CDH10: variants seen among roughly 807,000 people sequenced by gnomAD.
CDH10 encodes the protein cadherin-10.
Under a neutral mutation model 73.1 loss-of-function variants are expected in CDH10, and 30 were observed. The observed-to-expected ratio is 0.41, with a 90% CI of 0.31 to 0.56. CDH10 has a LOEUF of 0.56. Ranked by LOEUF, CDH10 falls within the 20% of genes least tolerant of loss-of-function variation. The probability of loss-of-function intolerance (pLI) is 0.27; values close to 1 mark genes in which losing one functional copy is unlikely to be tolerated. For synonymous variants in CDH10, 345 were observed against 348.2 expected (o/e 0.99, Z 0.10); for missense variants, 815 against 973.7 (o/e 0.84, Z 2.17).
At chr5:24,512,104 A>G (rs964778269) in intron 5 of CDH10, among the ~76,000 whole-genome samples, 1 of 152,152 alleles carries the variant, frequency 6.6e-6, no homozygotes, top group African/African-American at 2.4e-5. Flanking sequence ...AAGTTTACCT[A>G]AGTAACAAAC....
chr5:24,553,608 C>T lies in CDH10; in HGVS notation c.232-15934G>A, dbSNP rs556862458. On this transcript the variant is annotated intron_variant, in intron 2 of 11. Coordinates refer to ENST00000264463, the MANE Select transcript of CDH10 (RefSeq NM_006727.5). Reference sequence around the variant, plus strand: ...TTAATTTCCAAAGACAATTTTTATTCTATGTGAATTCATGTTTTGTATTAT... The same window carrying T: ...TTAATTTCCAAAGACAATTTTTATTTTATGTGAATTCATGTTTTGTATTAT... Among the ~76,000 whole-genome samples the T allele has an allele frequency of 1.6e-3, 243 of 152,180 alleles. 1 individual carries two copies. Among genetic ancestry groups the T allele is most frequent in the African/African-American group, 5.4e-3 (225 of 41,532 alleles).
At chr5:24,585,062 G>C (rs1038909238) in intron 2 of CDH10, among the ~76,000 whole-genome samples, 1 of 152,070 alleles carries the variant, frequency 6.6e-6, no homozygotes, top group African/African-American at 2.4e-5. Flanking sequence ...TGCCCAGGCT[G>C]ATCTCGAACT....
chr5:24,510,896 T>C (rs1235404998), intron 6 of CDH10, among the ~76,000 whole-genome samples: 3 of 152,222 alleles, frequency 2.0e-5, no homozygotes, highest in Non-Finnish European at 4.4e-5. Flanking sequence ...TATGTTCCAA[T>C]CCATGCTGTC....
intron 8 of CDH10, 61 bp from the exon 9 acceptor site, chr5:24,498,580 A>G: frequency 8.5e-7 from 1 of 1,177,086 alleles, no homozygotes; most frequent in Non-Finnish European, 1.3e-6. Flanking sequence ...AATTTAATTT[A>G]TATAGGCATC....
intron 5 of CDH10, among the ~76,000 whole-genome samples, chr5:24,527,281 A>G (rs1743568240): frequency 6.8e-6 from 1 of 147,872 alleles, no homozygotes; most frequent in Admixed American, 6.8e-5. Context: ...ACTTATATAA[A>G]TATAGTCTTA....
intron 5 of CDH10, among the ~76,000 whole-genome samples, chr5:24,512,552 A>T (rs1205282012): frequency 6.6e-6 from 1 of 152,192 alleles, no homozygotes; most frequent in African/African-American, 2.4e-5. Flanking sequence ...AACAAAGGAC[A>T]GTCTGTGGAA....
chr5:24,526,807 A>C (rs2111839687), intron 5 of CDH10, among the ~76,000 whole-genome samples: 1 of 151,954 alleles, frequency 6.6e-6, no homozygotes, highest in Non-Finnish European at 1.5e-5. Context: ...TCTCTTAAAT[A>C]ATATATGCAG....
chr5:24,488,183 C>T (rs141569837), intron 11 of CDH10, 30 bp from the exon 12 acceptor site: 3 of 1,563,006 alleles, frequency 1.9e-6, no homozygotes, highest in South Asian at 1.2e-5. Context: ...ATACATTAGA[C>T]GTCCGTTCAA....
chr5:24,593,881 G>C (rs1373751390), intron 1 of CDH10, among the ~76,000 whole-genome samples: 1 of 151,644 alleles, frequency 6.6e-6, no homozygotes, highest in Non-Finnish European at 1.5e-5. Context: ...CACTTTAACA[G>C]TTTTTAGTAA....
At chr5:24,537,729 T>C in intron 2 of CDH10, 55 bp from the exon 3 acceptor site, 1 of 1,167,950 alleles carries the variant, frequency 8.6e-7, no homozygotes, top group Non-Finnish European at 1.2e-6. Flanking sequence ...TGCAGGATGC[T>C]GAAAGAATTC....
chr5:24,636,630 T>C (rs1471215624), intron 1 of CDH10, among the ~76,000 whole-genome samples: 3 of 151,814 alleles, frequency 2.0e-5, no homozygotes, highest in Non-Finnish European at 4.4e-5. Flanking sequence ...ACAATACACC[T>C]ATATAACAAA....
intron 2 of CDH10, among the ~76,000 whole-genome samples, chr5:24,548,058 G>A (rs531702491): frequency 5.9e-5 from 9 of 152,258 alleles, no homozygotes; most frequent in Middle Eastern, 3.4e-3. Context: ...TCATGTAAGC[G>A]TTGATATTCC....
chr5:24,550,942 G>A (rs72749774), intron 2 of CDH10, among the ~76,000 whole-genome samples: 16,598 of 151,810 alleles, frequency 0.11, 1,193 homozygotes, highest in Admixed American at 0.2. Flanking sequence ...TTCTTTTTCG[G>A]TCATTCTATG....
At chr5:24,586,700 C>T (rs1746014167) in intron 2 of CDH10, among the ~76,000 whole-genome samples, 1 of 151,784 alleles carries the variant, frequency 6.6e-6, no homozygotes. Flanking sequence ...CCGCCTTGAC[C>T]TCCCAAAGTG....
chr5:24,604,745 G>A (rs10062701), intron 1 of CDH10, among the ~76,000 whole-genome samples: 12,884 of 151,860 alleles, frequency 0.085, 736 homozygotes, highest in South Asian at 0.16. Flanking sequence ...GTGGTGGCAG[G>A]TGCCTTAATC....
intron 1 of CDH10, among the ~76,000 whole-genome samples, chr5:24,628,611 C>G (rs1747588801): frequency 6.6e-6 from 1 of 152,022 alleles, no homozygotes; most frequent in African/African-American, 2.4e-5. Flanking sequence ...CCCTATTTGT[C>G]TCTTTGAACT....
intron 5 of CDH10, among the ~76,000 whole-genome samples, chr5:24,514,234 T>A (rs191566902): frequency 6.6e-6 from 1 of 152,278 alleles, no homozygotes; most frequent in Admixed American, 6.5e-5. Context: ...ACATTCATAT[T>A]ATCAAGCTTT....
intron 1 of CDH10, among the ~76,000 whole-genome samples, chr5:24,629,945 A>C (rs1747648325): frequency 6.6e-6 from 1 of 152,156 alleles, no homozygotes; most frequent in African/African-American, 2.4e-5. Context: ...TGAGTCATTT[A>C]ATCTTTCAAT....
intron 7 of CDH10, among the ~76,000 whole-genome samples, chr5:24,506,661 A>G (rs1052097724): frequency 2.0e-5 from 3 of 152,196 alleles, no homozygotes; most frequent in Admixed American, 1.3e-4. Context: ...TTCTTTTCTA[A>G]CAGACTAAGA....
Sources: gnomAD v4.1 joint callset for allele counts (sites outside exome capture counted in the v4.1 genomes callset) on GRCh38, gnomAD v4.1.1 for gene constraint, MANE v1.5 for transcripts, NCBI Gene and HGNC (gene_info 2026-07-23, HGNC 2026-07-21) for gene names.